Variants in MLXIPL observed in about 807,000 individuals in gnomAD.
MLXIPL encodes carbohydrate-responsive element-binding protein.
Under a neutral mutation model 81.5 loss-of-function variants are expected in MLXIPL, and 49 were observed. The observed-to-expected ratio is 0.60, with a 90% CI of 0.48 to 0.76. The LOEUF (loss-of-function observed/expected upper bound fraction) is 0.76, where lower values mean the gene tolerates loss of function less well. Ranked by LOEUF, MLXIPL falls within the 30% of genes least tolerant of loss-of-function variation. The probability of loss-of-function intolerance (pLI) is 0.00; values close to 1 mark genes in which losing one functional copy is unlikely to be tolerated. For missense variants in MLXIPL, 1,053 were observed against 1,167.0 expected (o/e 0.90, Z 1.42); for synonymous variants, 466 against 485.5 (o/e 0.96, Z 0.53).
At chr7:73,606,842 A>C in intron 5 of MLXIPL, 132 bp downstream of exon 5, 1 of 992,552 alleles carries the variant, frequency 1.0e-6, no homozygotes. Context: ...ACAGGATGGC[A>C]GTAACATCCC....
At chr7:73,626,052 GGA>G (rs1302395206), upstream of MLXIPL, among the ~76,000 whole-genome samples, 1 of 152,164 alleles carries the variant, frequency 6.6e-6, no homozygotes, top group Non-Finnish European at 1.5e-5. Flanking sequence ...CACCCAGGCT[GGA>G]GTGCAATGGC....
chr7:73,596,755 A>G lies in MLXIPL; in HGVS notation c.1706T>C (p.Leu569Pro), dbSNP rs782241599. The change falls in exon 11 of 17, where the codon CTT becomes CCT. Residue 569 changes from leucine (L) to proline (P), a missense_variant. Physicochemically the swap from Leu to Pro is moderately conservative, Grantham distance 98. Around this residue, in one of 3 missense-constraint regions of MLXIPL, gnomAD observed 823 missense variants for 933.0 expected, o/e 0.88. Coordinates refer to ENST00000313375, the MANE Select transcript of MLXIPL (RefSeq NM_032951.3). This position sits in a 1 kb window ranked among gnomAD's most constrained non-coding sequence, Gnocchi z 4.7. Reference sequence around the variant, plus strand: ...CGGTGTAGGGGCCGGGGTCGGGGGAAGGAATGTGCAGGGGAATTCAGGGAC... The same window carrying G: ...CGGTGTAGGGGCCGGGGTCGGGGGAGGGAATGTGCAGGGGAATTCAGGGAC... ...ETVPEFPCTF[L>P]PPTPAPTPPR... The G allele has an allele frequency of 1.7e-4, 268 of 1,600,304 alleles. No individual in the cohort carries two copies. The highest frequency in any genetic ancestry group is 3.3e-4 in the Middle Eastern group (2 of 6,004).
rs782781606 is a variant in MLXIPL at position 73,593,929 on chromosome 7, G to A, written c.2495C>T (p.Pro832Leu). Residue 832 changes from proline (P) to leucine (L), a missense_variant, in exon 17 of 17, where the codon CCG becomes CTG. Around this residue, in one of 3 missense-constraint regions of MLXIPL, gnomAD observed 823 missense variants for 933.0 expected, o/e 0.88. Coordinates refer to ENST00000313375, the MANE Select transcript of MLXIPL (RefSeq NM_032951.3). ...LGTSTSILTDPGRIPEQATRA... is the reference protein window; with the variant it reads ...LGTSTSILTDLGRIPEQATRA... ...TGTGGCTTGCTCAGGGATGCGGCCC[G>A]GGTCGGTCAGGATACTGGTAGATGT... 2.0e-5 allele frequency: 33 copies of A among 1,614,020 alleles called. No homozygotes were observed. The highest frequency in any genetic ancestry group is 1.0e-4 in the Admixed American group (6 of 59,994).
upstream of MLXIPL, among the ~76,000 whole-genome samples, chr7:73,626,519 G>A (rs1298448064): frequency 6.6e-6 from 1 of 150,376 alleles, no homozygotes; most frequent in Admixed American, 6.6e-5. Flanking sequence ...CCAAAGTTTT[G>A]GGATTACAAG....
At chr7:73,639,220 A>G in the MLXIPL span, among the ~76,000 whole-genome samples, 2 of 152,208 alleles carry the variant, frequency 1.3e-5, no homozygotes, top group African/African-American at 2.4e-5. Context: ...GGAGGGGCCA[A>G]TAGGCCATTT....
chr7:73,624,685 G>T (rs964500886), upstream of MLXIPL: 44 of 1,174,758 alleles, frequency 3.7e-5, no homozygotes, highest in Non-Finnish European at 4.7e-5. Context: ...TGGAGCTCTG[G>T]CGGGTTGGCC....
At position 73,619,392 on chromosome 7, in the gene MLXIPL, C is replaced by T. The variant is rs533661628; in HGVS notation, c.294-3215G>A. Among the ~76,000 whole-genome samples, 6 of 148,434 alleles carry T rather than the reference C, an allele frequency of 4.0e-5. No individual in the cohort carries two copies. The East Asian group carries it at 6.3e-4, about 16-fold the overall frequency. On this transcript the variant is annotated intron_variant, in intron 1 of 16. Transcript: ENST00000313375. ...AGGAGAATGGCGTTAACCCGGGAGGCGGAGTTTGCAGTGAGCCGAGATTGT... is the reference window on the plus strand; with the variant it reads ...AGGAGAATGGCGTTAACCCGGGAGGTGGAGTTTGCAGTGAGCCGAGATTGT...
the MLXIPL span, among the ~76,000 whole-genome samples, chr7:73,630,188 G>A: frequency 2.0e-5 from 3 of 151,644 alleles, no homozygotes; most frequent in South Asian, 2.1e-4. Context: ...TAGTACAGGC[G>A]GGGTTTCACT....
chr7:73,620,737 G>A (rs1163539990), intron 1 of MLXIPL, among the ~76,000 whole-genome samples: 1 of 148,250 alleles, frequency 6.7e-6, no homozygotes. Flanking sequence ...GTGAGACTCC[G>A]TCTCAGAAAA....
At chr7:73,637,640 T>C in the MLXIPL span, among the ~76,000 whole-genome samples, 1 of 150,032 alleles carries the variant, frequency 6.7e-6, no homozygotes, top group Non-Finnish European at 1.5e-5. Flanking sequence ...TGCCCCGTTG[T>C]ATAGGATACC....
the MLXIPL span, among the ~76,000 whole-genome samples, chr7:73,647,673 A>G: frequency 6.6e-6 from 1 of 152,064 alleles, no homozygotes; most frequent in African/African-American, 2.4e-5. Flanking sequence ...GCGCGCCTCT[A>G]TGGGCAGAGG....
In MLXIPL at chr7:73,624,298, C is replaced by G; in HGVS notation, c.195G>C (p.Arg65=). The change falls in exon 1 of 17, where the codon CGG becomes CGC. Residue 65 remains arginine (R), a synonymous_variant. Transcript: ENST00000313375. ...SSPHSDSLPR[R]RDQEGSVGPS... ...GCCCCACGGACCCCTCCTGGTCGCG[C>G]CGCCGGGGCAGCGAGTCGCTGTGCG... 4.4e-6 allele frequency: 7 copies of G among 1,586,302 alleles called. No homozygotes were observed. Among genetic ancestry groups the G allele is most frequent in the Non-Finnish European group, 6.0e-6 (7 of 1,168,162 alleles).
chr7:73,638,613 TTTTG>T, the MLXIPL span, among the ~76,000 whole-genome samples: 6 of 151,986 alleles, frequency 3.9e-5, no homozygotes, highest in South Asian at 2.1e-4. Flanking sequence ...AACCCAGTAC[TTTTG>T]TTTGTTTGTT....
At chr7:73,646,176 G>T in the MLXIPL span, among the ~76,000 whole-genome samples, 1 of 152,148 alleles carries the variant, frequency 6.6e-6, no homozygotes, top group African/African-American at 2.4e-5. Context: ...GCCACCACAG[G>T]GCTGGCAGCA....
At chr7:73,645,029 A>AT in the MLXIPL span, among the ~76,000 whole-genome samples, 26,765 of 146,172 alleles carry the variant, frequency 0.18, 2,651 homozygotes, top group Non-Finnish European at 0.24. Context: ...TGGGTAGAGC[A>AT]TTTTTTTTTT....
intron 1 of MLXIPL, among the ~76,000 whole-genome samples, chr7:73,618,777 G>A (rs1270655119): frequency 1.3e-5 from 2 of 152,166 alleles, no homozygotes; most frequent in African/African-American, 4.8e-5. Flanking sequence ...GTGGCACCTG[G>A]TGGGGGACTC....
At position 73,593,992 on chromosome 7, in the gene MLXIPL, G is replaced by A; in HGVS notation, c.2441-9C>T. 3 of 1,604,666 alleles carry A rather than the reference G, an allele frequency of 1.9e-6. No individual in the cohort carries two copies. Among genetic ancestry groups the A allele is most frequent in the Non-Finnish European group, 2.6e-6 (3 of 1,171,516 alleles). On this transcript the variant is annotated splice_polypyrimidine_tract_variant and intron_variant, in intron 16 of 16. Transcript: ENST00000313375. ...TAGGGAGTTCAGGACAGCTGGGTGG[G>A]AGACAGAGAGAGAGAGACAGACACT...
At chr7:73,638,478 C>T in the MLXIPL span, among the ~76,000 whole-genome samples, 3 of 152,100 alleles carry the variant, frequency 2.0e-5, no homozygotes, top group Non-Finnish European at 2.9e-5. Flanking sequence ...GACAAGGTTT[C>T]GCCATGTTGG....
At chr7:73,621,682 T>TCCCTCCCTCCCTCCATCC in intron 1 of MLXIPL, among the ~76,000 whole-genome samples, 1 of 123,088 alleles carries the variant, frequency 8.1e-6, no homozygotes, top group African/African-American at 3.1e-5. Context: ...TCCCTCCATC[T>TCCCTCCCTCCCTCCATCC]CCCTCCCTCC....
Sources: allele counts gnomAD v4.1 joint callset (sites outside exome capture counted in the v4.1 genomes callset), GRCh38; gene constraint gnomAD v4.1.1; regional missense constraint gnomAD v4.1.1; non-coding constraint Gnocchi (gnomAD v3.1); transcripts MANE v1.5; gene names NCBI Gene and HGNC (gene_info 2026-07-23, HGNC 2026-07-21).